Variants in TLR3 observed in about 807,000 individuals in gnomAD.
TLR3 encodes toll like receptor 3.
A neutral mutation model predicts 66.4 loss-of-function variants in TLR3; 43 were observed. The observed-to-expected ratio is 0.65, with a 90% CI of 0.51 to 0.83. The LOEUF is 0.83. Among genes scored for constraint, TLR3 ranks in the 40% least tolerant of loss-of-function variants. The probability of loss-of-function intolerance (pLI) is 0.00; values close to 1 mark genes in which losing one functional copy is unlikely to be tolerated. For missense variants in TLR3, 982 were observed against 1,044.6 expected (o/e 0.94, Z 0.83); for synonymous variants, 397 against 397.2 (o/e 1.00, Z 0.01).
chr4:186,072,399 G>A lies in TLR3; in HGVS notation c.-8+3151G>A, dbSNP rs892578354. 1.7e-4 allele frequency among the ~76,000 whole-genome samples: 26 copies of A among 151,932 alleles called. 1 individual carries two copies. Among genetic ancestry groups the A allele is most frequent in the Admixed American group, 4.6e-4 (7 of 15,250 alleles). On this transcript the variant is annotated intron_variant, in intron 1 of 4. Transcript: ENST00000296795. ...GGGATCTCGGCTCACTGCAGCCTCC[G>A]CTTCCCTAGTTCAAGCGATTCTCCT...
chr4:186,084,382 G>A (rs2099304046), intron 4 of TLR3, among the ~76,000 whole-genome samples: 1 of 151,910 alleles, frequency 6.6e-6, no homozygotes, highest in African/African-American at 2.4e-5. Flanking sequence ...CACCAAGCCT[G>A]GCTAATTTTT....
intron 2 of TLR3, among the ~76,000 whole-genome samples, chr4:186,078,121 A>G (rs2099302758): frequency 6.6e-6 from 1 of 152,164 alleles, no homozygotes; most frequent in African/African-American, 2.4e-5. Context: ...TCATTGCAAA[A>G]TGTTATTTTT....
intron 3 of TLR3, among the ~76,000 whole-genome samples, chr4:186,080,620 C>T (rs1318132115): frequency 1.3e-5 from 2 of 151,512 alleles, no homozygotes; most frequent in African/African-American, 2.4e-5. Context: ...GACTGAGTTT[C>T]ACTCTTTGTT....
At position 186,078,932 on chromosome 4, in the gene TLR3, A is replaced by G; in HGVS notation, c.534A>G (p.Leu178=). Residue 178 remains leucine, a synonymous_variant, in exon 3 of 5, where the codon TTA becomes TTG. Coordinates refer to ENST00000296795, the MANE Select transcript of TLR3 (RefSeq NM_003265.3). ...VQLENLQELL[L]SNNKIQALKS... ...TGGAAAATCTCCAAGAGCTTCTATT[A>G]TCAAACAATAAAATTCAAGCGCTAA... is the stretch of plus-strand genomic sequence containing the variant. The G allele has an allele frequency of 6.2e-7, 1 of 1,614,012 alleles. No individual in the cohort carries two copies. The highest frequency in any genetic ancestry group is 8.5e-7 in the Non-Finnish European group (1 of 1,179,990).
chr4:186,076,714 A>C lies in TLR3; in HGVS notation c.95A>C (p.His32Pro). The C allele has an allele frequency of 6.2e-7, 1 of 1,614,194 alleles. No homozygotes were observed. The highest frequency in any genetic ancestry group is 8.5e-7 in the Non-Finnish European group (1 of 1,180,032). The change falls in exon 2 of 5, where the codon CAT becomes CCT. Residue 32 changes from histidine to proline, a missense_variant. Transcript: ENST00000296795. The part of the protein sequence containing the change: ...ASSTTKCTVS[H>P]EVADCSHLKL... ...TCCACCACCAAGTGCACTGTTAGCC[A>C]TGAAGTTGCTGACTGCAGCCACCTG...
In TLR3 at chr4:186,082,663, A is replaced by G. The variant is rs368033234; in HGVS notation, c.977A>G (p.Tyr326Cys). 15 of 1,613,866 alleles carry G rather than the reference A, an allele frequency of 9.3e-6. No individual in the cohort carries two copies. The highest frequency in any genetic ancestry group is 1.3e-5 in the Non-Finnish European group (15 of 1,179,786). Residue 326 changes from tyrosine to cysteine, a missense_variant, in exon 4 of 5, where the codon TAC (tyrosine) becomes TGC (cysteine). Coordinates refer to ENST00000296795, the MANE Select transcript of TLR3 (RefSeq NM_003265.3). ...HSLHGLFNVR[Y>C]LNLKRSFTKQ... ...TTGCACGGGCTTTTCAATGTGAGGT[A>G]CCTGAATTTGAAACGGTCTTTTACT...
intron 1 of TLR3, among the ~76,000 whole-genome samples, chr4:186,070,894 C>T (rs556913716): frequency 1.2e-4 from 18 of 149,458 alleles, no homozygotes; most frequent in South Asian, 1.1e-3. Context: ...TTTGTAGATA[C>T]GGGGTCTCAC....
Position 186,087,449 on chromosome 4 carries a change from C to G in TLR3, c.*2576C>G, listed in dbSNP as rs2099304550. On this transcript the variant is annotated 3_prime_UTR_variant, in exon 5 of 5. Transcript: ENST00000296795. ...GGGGATCGAGGAAAAGGATGTTTGT[C>G]TGAGCTCTTGTTTGATTTGCCCAAG... The G allele has an allele frequency of 6.6e-6, 1 of 152,194 alleles. No homozygotes were observed. The allele number at this position is 152,194 out of a possible 1,614,324, so 9.4% of individuals were successfully genotyped here.
At position 186,083,627 on chromosome 4, in the gene TLR3, T is replaced by G; in HGVS notation, c.1941T>G (p.Phe647Leu). ...AGTTAGATATGCGCTTTAATCCCTT[T>G]GATTGCACGTGTGAAAGTATTGCCT... ...LTELDMRFNPFDCTCESIAWF... is the reference protein window; with the variant it reads ...LTELDMRFNPLDCTCESIAWF... Residue 647 changes from phenylalanine to leucine, a missense_variant, in exon 4 of 5, where the codon TTT (phenylalanine) becomes TTG (leucine). Physicochemically the swap from Phe to Leu is conservative, Grantham distance 22. Transcript: ENST00000296795. This position sits in a 1 kb window ranked among gnomAD's most constrained non-coding sequence, Gnocchi z 4.0. 1 of 1,601,988 alleles carries G rather than the reference T, an allele frequency of 6.2e-7. No homozygotes were observed. The highest frequency in any genetic ancestry group is 8.5e-7 in the Non-Finnish European group (1 of 1,174,718).
Position 186,083,516 on chromosome 4 carries a change from G to A in TLR3, c.1830G>A (p.Val610=), listed in dbSNP as rs747573478. The change falls in exon 4 of 5, where the codon GTG becomes GTA. Residue 610 remains valine, a synonymous_variant. Transcript: ENST00000296795. This position sits in a 1 kb window ranked among gnomAD's most constrained non-coding sequence, Gnocchi z 4.0. ...CAGCATCTGTCTTTAATAATCAGGT[G>A]TCTCTAAAGTCATTGAACCTTCAGA... is the stretch of plus-strand genomic sequence containing the variant. ...TLPASVFNNQ[V]SLKSLNLQKN... 28 of 1,607,738 alleles carry A rather than the reference G, an allele frequency of 1.7e-5. No homozygotes were observed. Among genetic ancestry groups the A allele is most frequent in the Non-Finnish European group, 2.0e-5 (24 of 1,177,304 alleles).
intron 3 of TLR3, among the ~76,000 whole-genome samples, chr4:186,081,316 C>A (rs961710638): frequency 6.6e-6 from 1 of 151,806 alleles, no homozygotes; most frequent in Non-Finnish European, 1.5e-5. Flanking sequence ...ACTCCTCTGG[C>A]GGTTTCGACT....
chr4:186,079,138 C>T, intron 3 of TLR3, 107 bp downstream of exon 3: 2 of 1,044,474 alleles, frequency 1.9e-6, no homozygotes, highest in Non-Finnish European at 2.8e-6. Flanking sequence ...GCCTGTCTTC[C>T]AGCAATCCTT....
At chr4:186,072,292 A>C (rs1384815738) in intron 1 of TLR3, among the ~76,000 whole-genome samples, 1 of 152,134 alleles carries the variant, frequency 6.6e-6, no homozygotes, top group Non-Finnish European at 1.5e-5. Flanking sequence ...AAGGTGCCAC[A>C]CACTTTTATT....
rs748736365 is a variant in TLR3 at position 186,082,480 on chromosome 4, A to G, written c.794A>G (p.Asn265Ser). The G allele has an allele frequency of 1.2e-6, 2 of 1,614,194 alleles. No individual in the cohort carries two copies. The highest frequency in any genetic ancestry group is 2.2e-5 in the East Asian group (1 of 44,880). Residue 265 changes from asparagine to serine, a missense_variant, in exon 4 of 5, where the codon AAT (asparagine) becomes AGT (serine). By Grantham distance (46) the Asn-to-Ser change is conservative. Transcript: ENST00000296795. ...LSNSQLSTTS[N>S]TTFLGLKWTN... ...AACAGCCAGCTGTCCACCACCAGCA[A>G]TACAACTTTCTTGGGACTAAAGTGG...
At chr4:186,081,942 T>C (rs2099303559) in intron 3 of TLR3, 1 of 248,888 alleles carries the variant, frequency 4.0e-6, no homozygotes, top group Admixed American at 5.1e-5. Context: ...AAGAACTGCA[T>C]CTGGCCGGGT....
intron 3 of TLR3, among the ~76,000 whole-genome samples, chr4:186,079,290 C>G (rs780124730): frequency 5.3e-5 from 8 of 152,188 alleles, no homozygotes; most frequent in Non-Finnish European, 1.0e-4. Flanking sequence ...CTTAACATCT[C>G]TGAGTCTGTG....
chr4:186,076,202 C>T (rs998684117), intron 1 of TLR3, among the ~76,000 whole-genome samples: 1 of 151,960 alleles, frequency 6.6e-6, no homozygotes. Flanking sequence ...ACAAAATTAA[C>T]TAAAGAAAAG....
In TLR3 at chr4:186,084,931, G is replaced by C. The variant is rs2099304126; in HGVS notation, c.*58G>C. ...ACTTTCTCAATTTAAAAAGTTCTAT[G>C]GCAAATTTAAGTTTTCCATAAAGGT... On this transcript the variant is annotated 3_prime_UTR_variant, in exon 5 of 5. Transcript: ENST00000296795. 1 of 1,436,122 alleles carries C rather than the reference G, an allele frequency of 7.0e-7. No individual in the cohort carries two copies. The highest frequency in any genetic ancestry group is 1.4e-5 in the African/African-American group (1 of 70,146). 89.0% of individuals were successfully genotyped at this position (1,436,122 alleles called of 1,614,324 possible). A position where few individuals can be genotyped will look rare whatever the true frequency, so the allele number is the denominator to read the frequency against.
chr4:186,083,635 C>A lies in TLR3; in HGVS notation c.1949C>A (p.Thr650Lys). 1 of 1,599,862 alleles carries A rather than the reference C, an allele frequency of 6.3e-7. No individual in the cohort carries two copies. The highest frequency in any genetic ancestry group is 8.5e-7 in the Non-Finnish European group (1 of 1,173,624). The change falls in exon 4 of 5, where the codon ACG becomes AAG. Residue 650 changes from threonine (T) to lysine (K), a missense_variant. Transcript: ENST00000296795. The surrounding 1 kb of genome is among the most constrained non-coding windows in gnomAD (Gnocchi z 4.0). ...LDMRFNPFDC[T>K]CESIAWFVNW... ...ATGCGCTTTAATCCCTTTGATTGCA[C>A]GTGTGAAAGTATTGCCTGGTTTGTT...
Sources: allele counts gnomAD v4.1 joint callset (sites outside exome capture counted in the v4.1 genomes callset), GRCh38; gene constraint gnomAD v4.1.1; non-coding constraint Gnocchi (gnomAD v3.1); transcripts MANE v1.5; gene names NCBI Gene and HGNC (gene_info 2026-07-23, HGNC 2026-07-21).